The following DENND2A variants were observed in gnomAD, a reference collection of about 807,000 sequenced individuals.
The protein encoded by DENND2A is DENN domain-containing protein 2A.
DENND2A carries 53 observed loss-of-function variants against 105.3 expected under a neutral mutation model. The observed-to-expected ratio is 0.50, with a 90% CI of 0.40 to 0.63. The LOEUF is 0.63. Ranked by LOEUF, DENND2A falls within the 30% of genes least tolerant of loss-of-function variation. DENND2A has a pLI of 0.00. For synonymous variants in DENND2A, 522 were observed against 508.4 expected (o/e 1.03, Z -0.36); for missense variants, 1,138 against 1,279.6 (o/e 0.89, Z 1.69).
At position 140,547,693 on chromosome 7, in the gene DENND2A, G is replaced by T. The variant is rs1360331140; in HGVS notation, c.2038-754C>A. On this transcript the variant is annotated intron_variant, in intron 12 of 19. Transcript: ENST00000496613. ...CATAAAAATTTGTACATGATTGTCT[G>T]TAGCGGCATTATTCATAATAGCCAC... Among the ~76,000 whole-genome samples, 10 of 152,182 alleles carry T rather than the reference G, an allele frequency of 6.6e-5. No individual in the cohort carries two copies. In the South Asian group the frequency reaches 2.1e-3, roughly 31 times the overall value.
chr7:140,561,539 G>T (rs1260980081), intron 9 of DENND2A, among the ~76,000 whole-genome samples: 4 of 121,336 alleles, frequency 3.3e-5, no homozygotes, highest in Non-Finnish European at 6.4e-5. Flanking sequence ...TCACTATGTC[G>T]CCCAGGCTGG....
At chr7:140,530,770 T>C (rs1373787959) in intron 14 of DENND2A, among the ~76,000 whole-genome samples, 2 of 151,926 alleles carry the variant, frequency 1.3e-5, no homozygotes, top group African/African-American at 2.4e-5. Context: ...TCACTCTGTC[T>C]CCCAGGCTGG....
In DENND2A at chr7:140,634,745, G is replaced by A. The variant is rs189538710; in HGVS notation, c.-248+5759C>T. Among the ~76,000 whole-genome samples the A allele has an allele frequency of 7.9e-5, 12 of 152,090 alleles. No homozygotes were observed. In the East Asian group the frequency reaches 1.6e-3, roughly 20 times the overall value. ...AAACTAGCCAGGTGAGGTGGTGGGC[G>A]CCTGTAGTCCCAGCTACTTGGGAGG... is the stretch of plus-strand genomic sequence containing the variant. On this transcript the variant is annotated intron_variant, in intron 1 of 19. Transcript: ENST00000496613.
chr7:140,527,328 G>A lies in DENND2A; in HGVS notation c.2495C>T (p.Pro832Leu), dbSNP rs765675447. ...SSSLPLLREL[P>L]LEEVLVVDLV... ...TGAGTGGGAGCTCACCTCTTCCAGC[G>A]GCAGCTCCCTGAGCAGTGGCAGCGA... The change falls in exon 15 of 20, where the codon CCG (proline) becomes CTG (leucine). Residue 832 changes from proline to leucine, a missense_variant. This residue lies in a region of DENND2A where 627 missense variants were observed against 779.8 expected (regional missense o/e 0.80). Coordinates refer to ENST00000496613, the MANE Select transcript of DENND2A (RefSeq NM_015689.5). This position sits in a 1 kb window ranked among gnomAD's most constrained non-coding sequence, Gnocchi z 4.9. The A allele has an allele frequency of 1.9e-5, 30 of 1,585,588 alleles. 1 individual carries two copies. In the Admixed American group the frequency reaches 2.5e-4, roughly 13 times the overall value.
At chr7:140,581,570 C>A (rs1049682534) in intron 5 of DENND2A, among the ~76,000 whole-genome samples, 8 of 152,118 alleles carry the variant, frequency 5.3e-5, no homozygotes, top group Non-Finnish European at 1.2e-4. Flanking sequence ...AGCCCAGATG[C>A]GGTAGATACT....
chr7:140,580,482 T>C (rs992039379), intron 5 of DENND2A, among the ~76,000 whole-genome samples: 3 of 152,044 alleles, frequency 2.0e-5, no homozygotes, highest in Admixed American at 6.6e-5. Flanking sequence ...ACCATGCCTA[T>C]CTAATTTTTA....
Position 140,585,691 on chromosome 7 carries a change from G to T in DENND2A, c.1143C>A (p.Asn381Lys), listed in dbSNP as rs200051101. The change falls in exon 5 of 20, where the codon AAC becomes AAA. Residue 381 changes from asparagine to lysine, a missense_variant. Asn to Lys is a moderately conservative substitution (Grantham distance 94). Coordinates refer to ENST00000496613, the MANE Select transcript of DENND2A (RefSeq NM_015689.5). ...EDILDPPMKENPYEDIELHGR... is the reference protein window; with the variant it reads ...EDILDPPMKEKPYEDIELHGR... ...CATGTAACTCGATGTCCTCATAAGGGTTCTCCTTCATTGGCGGATCTGTGT... is the reference window on the plus strand; with the variant it reads ...CATGTAACTCGATGTCCTCATAAGGTTTCTCCTTCATTGGCGGATCTGTGT... 7.4e-6 allele frequency: 12 copies of T among 1,614,176 alleles called. No homozygotes were observed. The highest frequency in any genetic ancestry group is 1.0e-5 in the Non-Finnish European group (12 of 1,180,030).
chr7:140,624,090 C>T (rs143622706), intron 1 of DENND2A, among the ~76,000 whole-genome samples: 1 of 152,320 alleles, frequency 6.6e-6, no homozygotes, highest in Non-Finnish European at 1.5e-5. Flanking sequence ...GCTGAGCTGA[C>T]AGGAGGAATG....
intron 9 of DENND2A, among the ~76,000 whole-genome samples, chr7:140,562,064 A>G (rs1039395997): frequency 6.6e-6 from 1 of 150,838 alleles, no homozygotes; most frequent in African/African-American, 2.4e-5. Flanking sequence ...TAATTTTTGT[A>G]TTTTTAATAG....
chr7:140,521,173 G>A (rs1795847889), intron 18 of DENND2A, among the ~76,000 whole-genome samples: 2 of 151,480 alleles, frequency 1.3e-5, no homozygotes, highest in Admixed American at 1.3e-4. Flanking sequence ...ACCATGCCCG[G>A]CTTCCAGTAG....
intron 5 of DENND2A, among the ~76,000 whole-genome samples, chr7:140,575,980 AAT>A: frequency 2.0e-5 from 3 of 151,684 alleles, no homozygotes; most frequent in Non-Finnish European, 2.9e-5. Flanking sequence ...AAAAAAAATA[AAT>A]AAATAAACAA....
chr7:140,554,834 AAAG>A (rs1438061087), intron 12 of DENND2A, among the ~76,000 whole-genome samples: 3 of 152,278 alleles, frequency 2.0e-5, no homozygotes, highest in African/African-American at 2.4e-5. Context: ...ATTTTCCAGA[AAAG>A]AAGACCAAAT....
At chr7:140,608,494 T>G (rs1005244799) in intron 1 of DENND2A, among the ~76,000 whole-genome samples, 1 of 151,858 alleles carries the variant, frequency 6.6e-6, no homozygotes, top group South Asian at 2.1e-4. Flanking sequence ...CTGGGCAACA[T>G]GGCAAAACAT....
intron 4 of DENND2A, among the ~76,000 whole-genome samples, chr7:140,586,801 T>C (rs1321322594): frequency 6.6e-6 from 1 of 152,226 alleles, no homozygotes; most frequent in African/African-American, 2.4e-5. Flanking sequence ...TCAAATTTTC[T>C]ATTTCCTCCT....
At chr7:140,582,953 C>A (rs1018303972) in intron 5 of DENND2A, among the ~76,000 whole-genome samples, 2 of 151,988 alleles carry the variant, frequency 1.3e-5, no homozygotes, top group East Asian at 1.9e-4. Flanking sequence ...GAATATAAAC[C>A]TTTTGACCTT....
Position 140,525,707 on chromosome 7 carries a change from G to A in DENND2A, c.2547+44C>T. ...AGAGCTGAGCCCCAAACAACAAATAGGTAAAGACAAAGGGAGCAGGAGGCC... is the reference window on the plus strand; with the variant it reads ...AGAGCTGAGCCCCAAACAACAAATAAGTAAAGACAAAGGGAGCAGGAGGCC... On this transcript the variant is annotated intron_variant, in intron 16 of 19. Coordinates refer to ENST00000496613, the MANE Select transcript of DENND2A (RefSeq NM_015689.5). 1.9e-6 allele frequency: 3 copies of A among 1,563,944 alleles called. No homozygotes were observed. In the South Asian group the frequency reaches 3.6e-5, roughly 19 times the overall value.
At chr7:140,544,916 T>G in intron 13 of DENND2A, 150 bp from the exon 14 acceptor site, 4 of 1,340,470 alleles carry the variant, frequency 3.0e-6, no homozygotes, top group Admixed American at 3.0e-5. Context: ...AACAAAAGGA[T>G]TGGGGGAAAA....
rs1173621967 is a variant in DENND2A at position 140,624,862 on chromosome 7, TTTTTTG to T, written c.-248+15636_-248+15641del. On this transcript the variant is annotated intron_variant, in intron 1 of 19. Transcript: ENST00000496613. ...TTGTTTTTCTTTGTTTTTTTTGTTT[TTTTTTG>T]TTTTTTTTTTTTTGCTTTTTGAGAC... Among the ~76,000 whole-genome samples, 318 of 149,736 alleles carry T rather than the reference TTTTTTG, an allele frequency of 2.1e-3. 7 individuals carry two copies. Among genetic ancestry groups the T allele is most frequent in the African/African-American group, 6.8e-3 (271 of 39,966 alleles).
In DENND2A at chr7:140,559,635, C is replaced by A. The variant is rs555710940; in HGVS notation, c.1889+73G>T. ...TAACGGTGGGAATGACTCATGTGGT[C>A]TGCCACCTGTAACCCCGTCTCTAAG... On this transcript the variant is annotated intron_variant, in intron 10 of 19. Coordinates refer to ENST00000496613, the MANE Select transcript of DENND2A (RefSeq NM_015689.5). This position sits in a 1 kb window ranked among gnomAD's most constrained non-coding sequence, Gnocchi z 4.1. The A allele has an allele frequency of 1.5e-5, 16 of 1,099,246 alleles. No individual in the cohort carries two copies. The South Asian group carries it at 1.6e-4, about 11-fold the overall frequency. The allele number at this position is 1,099,246 out of a possible 1,614,324, so 68.1% of individuals were successfully genotyped here.
Sources: gnomAD v4.1 joint callset for allele counts (sites outside exome capture counted in the v4.1 genomes callset) on GRCh38, gnomAD v4.1.1 for gene constraint, gnomAD v4.1.1 regional missense constraint, Gnocchi (gnomAD v3.1) non-coding constraint, MANE v1.5 for transcripts, NCBI Gene and HGNC (gene_info 2026-07-23, HGNC 2026-07-21) for gene names.